ZNF12: variants seen among roughly 807,000 people sequenced by gnomAD.
ZNF12 encodes zinc finger protein 12.
In ZNF12, 34 loss-of-function variants were observed where a neutral mutation model predicts 66.6. The ratio of observed to expected loss-of-function variants is 0.51; its 90% CI spans 0.39 to 0.68. ZNF12 has a LOEUF of 0.68. Among genes scored for constraint, ZNF12 ranks in the 30% least tolerant of loss-of-function variants. ZNF12 has a pLI of 0.00. For missense variants in ZNF12, 697 were observed against 826.9 expected, an observed-to-expected ratio of 0.84 and a Z score of 1.93; for synonymous variants, 320 against 278.9, an observed-to-expected ratio of 1.15 and a Z score of -1.47.
rs1780033314 is a variant in ZNF12, at chr7:6,689,437, T to C, written c.*1411A>G. 6.6e-6 allele frequency: 1 copy of C among 152,224 alleles called. No homozygotes were observed. Among genetic ancestry groups the C allele is most frequent in the Non-Finnish European group, 1.5e-5 (1 of 68,040 alleles). The allele number at this position is 152,224 out of a possible 1,614,324, so 9.4% of individuals were successfully genotyped here. A position where few individuals can be genotyped will look rare whatever the true frequency, so the allele number is the denominator to read the frequency against. ...TCAGGTATATCCTTTGTTTTATGTCTAGAATTGGGCCCTGTGACCACTGTA... is the reference window on the plus strand; with the variant it reads ...TCAGGTATATCCTTTGTTTTATGTCCAGAATTGGGCCCTGTGACCACTGTA... On this transcript the variant is annotated 3_prime_UTR_variant, in exon 5 of 5. Transcript: ENST00000405858.
intron 2 of ZNF12, among the ~76,000 whole-genome samples, chr7:6,702,323 C>CACACACACACACACACACCCCA (rs1554294925): frequency 3.5e-5 from 1 of 28,300 alleles, no homozygotes; most frequent in African/African-American, 1.3e-4. Flanking sequence ...CACACACACA[C>CACACACACACACACACACCCCA]ACCAGATTCG....
intron 4 of ZNF12, among the ~76,000 whole-genome samples, chr7:6,694,482 A>AAAGC (rs1353110550): frequency 6.6e-6 from 1 of 152,224 alleles, no homozygotes; most frequent in African/African-American, 2.4e-5. Context: ...CGTTGCAGGA[A>AAAGC]AAGCAAGCTA....
Position 6,697,782 on chromosome 7 carries a change from C to T in ZNF12, c.45G>A (p.Val15=). ...GCTGCCATTCCTCCTGGGTGAAGTC[C>T]ACAGCCACGTCCTTGAATGACACTG... ...LGPVSFKDVA[V]DFTQEEWQQL... The change falls in exon 3 of 5, where the codon GTG becomes GTA. Residue 15 remains valine (V), a synonymous_variant. Transcript: ENST00000405858. The surrounding 1 kb of genome is among the most constrained non-coding windows in gnomAD (Gnocchi z 6.1). 6.2e-7 allele frequency: 1 copy of T among 1,614,148 alleles called. No individual in the cohort carries two copies. The highest frequency in any genetic ancestry group is 8.5e-7 in the Non-Finnish European group (1 of 1,180,038).
At position 6,690,939 on chromosome 7, in the gene ZNF12, T is replaced by C. The variant is rs774637690; in HGVS notation, c.2003A>G (p.Lys668Arg). The C allele has an allele frequency of 1.9e-6, 3 of 1,614,160 alleles. No homozygotes were observed. In the South Asian group the frequency reaches 3.3e-5, roughly 18 times the overall value. The change falls in exon 5 of 5, where the codon AAA becomes AGA. Residue 668 changes from lysine to arginine, a missense_variant. Lys to Arg is a conservative substitution (Grantham distance 26, BLOSUM62 2). Coordinates refer to ENST00000405858, the MANE Select transcript of ZNF12 (RefSeq NM_016265.4). ...EKPYECTECG[K>R]KFYHKSAFNS... is the part of the protein sequence containing the mutation. The stretch of plus-strand genomic sequence containing the variant: ...GAATGCTGATTTGTGGTAGAATTTT[T>C]TTCCACATTCAGTACACTCATAGGG...
intron 2 of ZNF12, among the ~76,000 whole-genome samples, chr7:6,700,280 G>A (rs1432762985): frequency 1.9e-4 from 21 of 108,638 alleles, no homozygotes; most frequent in South Asian, 2.8e-4. Context: ...GCAAGACTCC[G>A]TCTGAGAGGA....
At position 6,702,510 on chromosome 7, in the gene ZNF12, A is replaced by C; in HGVS notation, c.15+2649T>G. 4.5e-5 allele frequency among the ~76,000 whole-genome samples: 2 copies of C among 44,392 alleles called. 1 individual carries two copies. Among genetic ancestry groups the C allele is most frequent in the African/African-American group, 2.4e-4 (2 of 8,242 alleles). The allele number at this position is 44,392 out of a possible 152,430, so 29.1% of individuals were successfully genotyped here. A position where few individuals can be genotyped will look rare whatever the true frequency, so the allele number is the denominator to read the frequency against. ...TCCACACACACACACACACACACAG[A>C]TTTATCTCCCAAACTGCACACACAC... On this transcript the variant is annotated intron_variant, in intron 2 of 4. Coordinates refer to ENST00000405858, the MANE Select transcript of ZNF12 (RefSeq NM_016265.4).
chr7:6,703,899 C>T (rs1435809655), intron 2 of ZNF12, among the ~76,000 whole-genome samples: 1 of 152,230 alleles, frequency 6.6e-6, no homozygotes, highest in African/African-American at 2.4e-5. Context: ...GGATTATTGG[C>T]AACCTTTTCC....
chr7:6,696,995 G>A lies in ZNF12; in HGVS notation c.238+344C>T, dbSNP rs564250329. ...AAAAAAAAAAAACCAGAAGTTACAC[G>A]AAGAACACAAGAATCACATAAGTTA... On this transcript the variant is annotated intron_variant, in intron 4 of 4. Transcript: ENST00000405858. The surrounding 1 kb of genome is among the most constrained non-coding windows in gnomAD (Gnocchi z 4.0). Among the ~76,000 whole-genome samples the A allele has an allele frequency of 9.2e-5, 14 of 151,526 alleles. No homozygotes were observed. In the East Asian group the frequency reaches 9.7e-4, roughly 10 times the overall value.
At position 6,691,943 on chromosome 7, in the gene ZNF12, G is replaced by C; in HGVS notation, c.999C>G (p.Asn333Lys). The change falls in exon 5 of 5, where the codon AAC (asparagine) becomes AAG (lysine). Residue 333 changes from asparagine (N) to lysine (K), a missense_variant. Asn to Lys is a moderately conservative substitution (Grantham distance 94, BLOSUM62 0). This residue lies in a region of ZNF12 where 401 missense variants were observed against 519.0 expected (regional missense o/e 0.77). Coordinates refer to ENST00000405858, the MANE Select transcript of ZNF12 (RefSeq NM_016265.4). ...GAATGAGGTGTAACTTCTGGTAAAA[G>C]TTCTTCCCACATTCATTACATTCAT... Reference protein sequence around the residue: ...KPYECNECGKNFYQKLHLIQH... With the variant: ...KPYECNECGKKFYQKLHLIQH... 1 of 1,614,140 alleles carries C rather than the reference G, an allele frequency of 6.2e-7. No individual in the cohort carries two copies. Among genetic ancestry groups the C allele is most frequent in the South Asian group, 1.1e-5 (1 of 91,078 alleles).
At chr7:6,701,181 C>T (rs562970820) in intron 2 of ZNF12, among the ~76,000 whole-genome samples, 1 of 152,168 alleles carries the variant, frequency 6.6e-6, no homozygotes, top group African/African-American at 2.4e-5. Context: ...TTCATCATCA[C>T]TTCAGAGTTT....
chr7:6,699,305 T>C (rs117585122), intron 2 of ZNF12, among the ~76,000 whole-genome samples: 3,405 of 152,282 alleles, frequency 0.022, 60 homozygotes, highest in Middle Eastern at 0.048. Flanking sequence ...ACTGGAATGA[T>C]CCATGAGTGC....
chr7:6,705,340 C>G lies in ZNF12; in HGVS notation c.-50-117G>C. 1.5e-6 allele frequency: 1 copy of G among 688,722 alleles called. No homozygotes were observed. Among genetic ancestry groups the G allele is most frequent in the Non-Finnish European group, 2.4e-6 (1 of 409,280 alleles). The allele number at this position is 688,722 out of a possible 1,614,324, so 42.7% of individuals were successfully genotyped here. A position where few individuals can be genotyped will look rare whatever the true frequency, so the allele number is the denominator to read the frequency against. ...AGAAGTACATCTTGTGGGAGACTGT[C>G]CCTTTAAGCCTTCAGAAGGGATTGG... On this transcript the variant is annotated intron_variant, in intron 1 of 4. Coordinates refer to ENST00000405858, the MANE Select transcript of ZNF12 (RefSeq NM_016265.4). The surrounding 1 kb of genome is among the most constrained non-coding windows in gnomAD (Gnocchi z 4.0).
At chr7:6,702,500 ACACACACAGATTTATCTCCCAAACTG>A (rs1562602227) in intron 2 of ZNF12, among the ~76,000 whole-genome samples, 6 of 94,222 alleles carry the variant, frequency 6.4e-5, no homozygotes, top group Admixed American at 1.0e-4. Context: ...ACACACACAC[ACACACACAGATTTATCTCCCAAACTG>A]CACACACACA....
At position 6,692,187 on chromosome 7, in the gene ZNF12, T is replaced by C. The variant is rs777519616; in HGVS notation, c.755A>G (p.Gln252Arg). The C allele has an allele frequency of 6.2e-7, 1 of 1,614,134 alleles. No individual in the cohort carries two copies. The highest frequency in any genetic ancestry group is 1.1e-5 in the South Asian group (1 of 91,080). The change falls in exon 5 of 5, where the codon CAG (glutamine) becomes CGG (arginine). Residue 252 changes from glutamine to arginine, a missense_variant. By Grantham distance (43) the Gln-to-Arg change is conservative. Transcript: ENST00000405858. The surrounding 1 kb of genome is among the most constrained non-coding windows in gnomAD (Gnocchi z 5.1). ...KWNGSEIAFL[Q>R]MSDLTVHQTS... ...CTGATGTACAGTGAGGTCCGACATC[T>C]GGAGAAAGGCTATTTCAGATCCATT... is the stretch of plus-strand genomic sequence containing the variant.
At chr7:6,694,568 C>T (rs1053470015) in intron 4 of ZNF12, among the ~76,000 whole-genome samples, 3 of 152,104 alleles carry the variant, frequency 2.0e-5, no homozygotes, top group African/African-American at 4.8e-5. Flanking sequence ...GCACTTTACA[C>T]CTTCTCATGT....
At position 6,705,271 on chromosome 7, in the gene ZNF12, C is replaced by T; in HGVS notation, c.-50-48G>A. 3 of 1,473,356 alleles carry T rather than the reference C, an allele frequency of 2.0e-6. No individual in the cohort carries two copies. The highest frequency in any genetic ancestry group is 2.8e-6 in the Non-Finnish European group (3 of 1,066,156). 91.3% of individuals were successfully genotyped at this position (1,473,356 alleles called of 1,614,324 possible). A position where few individuals can be genotyped will look rare whatever the true frequency, so the allele number is the denominator to read the frequency against. On this transcript the variant is annotated intron_variant, in intron 1 of 4. Coordinates refer to ENST00000405858, the MANE Select transcript of ZNF12 (RefSeq NM_016265.4). The surrounding 1 kb of genome is among the most constrained non-coding windows in gnomAD (Gnocchi z 4.0). ...ATGGCGTTATGAGCGGTCTGGCCTG[C>T]CAAGGCGGTCATCTCCCGCCCAAAA...
Position 6,706,670 on chromosome 7 carries a change from C to T in ZNF12, c.-289G>A, listed in dbSNP as rs1005163427. 1.2e-5 allele frequency: 4 copies of T among 334,584 alleles called. No individual in the cohort carries two copies. The highest frequency in any genetic ancestry group is 2.3e-5 in the Non-Finnish European group (4 of 173,558). 20.7% of individuals were successfully genotyped at this position (334,584 alleles called of 1,614,324 possible). On this transcript the variant is annotated 5_prime_UTR_variant, in exon 1 of 5. Transcript: ENST00000405858. The stretch of plus-strand genomic sequence containing the variant: ...GGAGCCGGGGCCGGGCCGTCGAGGA[C>T]GCACACGGGCCGGGCCCGGGTCCCG...
intron 4 of ZNF12, among the ~76,000 whole-genome samples, chr7:6,693,975 C>T (rs573226480): frequency 6.6e-6 from 1 of 152,082 alleles, no homozygotes; most frequent in African/African-American, 2.4e-5. Context: ...CGAGACCAGC[C>T]TGGCCATGAT....
rs1261138270 is a variant in ZNF12 at position 6,697,990 on chromosome 7, A to T, written c.16-179T>A. 1 of 876,512 alleles carries T rather than the reference A, an allele frequency of 1.1e-6. No individual in the cohort carries two copies. The highest frequency in any genetic ancestry group is 2.4e-5 in the East Asian group (1 of 41,218). 54.3% of individuals were successfully genotyped at this position (876,512 alleles called of 1,614,324 possible). A position where few individuals can be genotyped will look rare whatever the true frequency, so the allele number is the denominator to read the frequency against. On this transcript the variant is annotated intron_variant, in intron 2 of 4. Transcript: ENST00000405858. This position sits in a 1 kb window ranked among gnomAD's most constrained non-coding sequence, Gnocchi z 6.1. ...CTGTTCTGGGGTTCATTCAGTATAC[A>T]TCAAACAAAAAACAAAAAACAAAAA...
Sources: gnomAD v4.1 joint callset for allele counts (sites outside exome capture counted in the v4.1 genomes callset) on GRCh38, gnomAD v4.1.1 for gene constraint, gnomAD v4.1.1 regional missense constraint, Gnocchi (gnomAD v3.1) non-coding constraint, MANE v1.5 for transcripts, NCBI Gene and HGNC (gene_info 2026-07-23, HGNC 2026-07-21) for gene names.